Variants in CALD1 observed in about 807,000 individuals in gnomAD.
CALD1 encodes the protein caldesmon.
A neutral mutation model predicts 99.9 loss-of-function variants in CALD1; 33 were observed. The observed-to-expected ratio is 0.33, with a 90% confidence interval of 0.25 to 0.44. The LOEUF is 0.44. CALD1 is among the 20% of genes least tolerant of loss of function. The pLI, the probability that CALD1 is intolerant of heterozygous loss-of-function variation, is 1.00. For missense variants in CALD1, 861 were observed against 962.1 expected (o/e 0.89, Z 1.39); for synonymous variants, 310 against 325.0 (o/e 0.95, Z 0.50).
chr7:134,930,976 T>C (rs1022820847), intron 4 of CALD1, among the ~76,000 whole-genome samples: 2 of 152,214 alleles, frequency 1.3e-5, no homozygotes, highest in Admixed American at 1.3e-4. Context: ...AACAGGAGCT[T>C]TAAAAATTAC....
chr7:134,756,354 G>T (rs1796730347), intron 1 of CALD1, among the ~76,000 whole-genome samples: 1 of 66,290 alleles, frequency 1.5e-5, no homozygotes, highest in South Asian at 7.9e-4. Context: ...TCTATCATAT[G>T]GCATTTTTTT....
At chr7:134,805,385 T>C (rs538355309) in intron 1 of CALD1, among the ~76,000 whole-genome samples, 3 of 152,320 alleles carry the variant, frequency 2.0e-5, no homozygotes, top group South Asian at 2.1e-4. Context: ...TTTTTAGCCA[T>C]AGTATTTTTA....
At chr7:134,778,064 G>A (rs1219631622), upstream of CALD1, among the ~76,000 whole-genome samples, 5 of 152,204 alleles carry the variant, frequency 3.3e-5, no homozygotes, top group Non-Finnish European at 7.3e-5. Flanking sequence ...CTGGGAAAGT[G>A]CATTCCTCTT....
intron 3 of CALD1, among the ~76,000 whole-genome samples, chr7:134,874,182 T>C (rs1801237202): frequency 6.6e-6 from 1 of 151,384 alleles, no homozygotes; most frequent in African/African-American, 2.4e-5. Context: ...TCTTTTTTTC[T>C]TTTTTTTTGT....
chr7:134,801,647 T>A (rs956296654), intron 1 of CALD1, among the ~76,000 whole-genome samples: 1 of 152,108 alleles, frequency 6.6e-6, no homozygotes, highest in African/African-American at 2.4e-5. Flanking sequence ...TGAAACAGGG[T>A]CTCACTCTGT....
At chr7:134,715,584 T>C in the CALD1 span, among the ~76,000 whole-genome samples, 226 of 152,390 alleles carry the variant, frequency 1.5e-3, no homozygotes, top group African/African-American at 5.2e-3. Context: ...CATATTGTAG[T>C]AGTTTTAATG....
chr7:134,814,252 T>C (rs1321434033), intron 1 of CALD1, among the ~76,000 whole-genome samples: 2 of 151,976 alleles, frequency 1.3e-5, no homozygotes, highest in African/African-American at 2.4e-5. Context: ...GAGCATGAAG[T>C]TGCAGGGAAC....
At chr7:134,947,017 C>G (rs1305560034) in intron 7 of CALD1, among the ~76,000 whole-genome samples, 1 of 152,166 alleles carries the variant, frequency 6.6e-6, no homozygotes, top group Non-Finnish European at 1.5e-5. Flanking sequence ...GAATAATATT[C>G]CATGGTATGG....
intron 1 of CALD1, among the ~76,000 whole-genome samples, chr7:134,793,081 A>G (rs1477563698): frequency 1.3e-5 from 2 of 152,160 alleles, no homozygotes; most frequent in Non-Finnish European, 2.9e-5. Flanking sequence ...GGCCTTTAGG[A>G]GCCAAGGACG....
chr7:134,816,681 A>C (rs546992110), intron 1 of CALD1, among the ~76,000 whole-genome samples: 1 of 152,290 alleles, frequency 6.6e-6, no homozygotes, highest in Non-Finnish European at 1.5e-5. Context: ...TTCCAGGCGA[A>C]TGGGTAAAAT....
intron 1 of CALD1, among the ~76,000 whole-genome samples, chr7:134,842,571 T>C (rs982112576): frequency 2.6e-5 from 4 of 152,244 alleles, no homozygotes; most frequent in African/African-American, 9.6e-5. Flanking sequence ...GTCTTCTTGT[T>C]AGTTATTTAC....
chr7:134,763,574 A>G lies in CALD1; in HGVS notation c.-130+19211A>G, dbSNP rs116841155. 1.5e-3 allele frequency among the ~76,000 whole-genome samples: 231 copies of G among 152,256 alleles called. 1 individual carries two copies. The East Asian group carries it at 0.028, about 19-fold the overall frequency. On this transcript the variant is annotated intron_variant, in intron 1 of 13. Coordinates refer to the CALD1 transcript ENST00000417172. The stretch of plus-strand genomic sequence containing the variant: ...CTCTGTGTCCTGAGAGGGGCTGTCC[A>G]CTGGAGAGAAGACTTGTTATAAATG...
At chr7:134,874,050 G>A (rs1046302167) in intron 3 of CALD1, among the ~76,000 whole-genome samples, 9 of 152,202 alleles carry the variant, frequency 5.9e-5, no homozygotes, top group Non-Finnish European at 1.0e-4. Context: ...TTGAGTGACT[G>A]TGATCGGTAA....
intron 11 of CALD1, among the ~76,000 whole-genome samples, chr7:134,959,023 A>G (rs1022588095): frequency 4.0e-5 from 6 of 150,510 alleles, no homozygotes; most frequent in African/African-American, 1.5e-4. Context: ...CTGCCCCCCA[A>G]TTGTGTGCCA....
chr7:134,882,143 T>G (rs920261098), intron 3 of CALD1, among the ~76,000 whole-genome samples: 1 of 152,220 alleles, frequency 6.6e-6, no homozygotes, highest in African/African-American at 2.4e-5. Flanking sequence ...CTAACACTTG[T>G]GTATCAAGGC....
chr7:134,732,301 T>C, the CALD1 span, among the ~76,000 whole-genome samples: 1 of 152,226 alleles, frequency 6.6e-6, no homozygotes, highest in Non-Finnish European at 1.5e-5. Context: ...GCCTAAAGCT[T>C]ACACAATGTA....
chr7:134,809,231 T>C (rs1798265218), intron 1 of CALD1, among the ~76,000 whole-genome samples: 1 of 152,210 alleles, frequency 6.6e-6, no homozygotes, highest in African/African-American at 2.4e-5. Flanking sequence ...TAATGAATCA[T>C]GGTTTTAAAT....
chr7:134,765,669 G>A (rs531600638), intron 1 of CALD1, among the ~76,000 whole-genome samples: 2 of 152,326 alleles, frequency 1.3e-5, no homozygotes, highest in African/African-American at 2.4e-5. Flanking sequence ...GTAATCTGCA[G>A]TATTGGAGGT....
At chr7:134,724,087 G>A in the CALD1 span, among the ~76,000 whole-genome samples, 1 of 152,226 alleles carries the variant, frequency 6.6e-6, no homozygotes, top group East Asian at 1.9e-4. Flanking sequence ...TCCATAAAAG[G>A]GATGGACTTT....
Sources: allele counts gnomAD v4.1 joint callset (sites outside exome capture counted in the v4.1 genomes callset), GRCh38; gene constraint gnomAD v4.1.1; transcripts MANE v1.5; gene names NCBI Gene and HGNC (gene_info 2026-07-23, HGNC 2026-07-21).